CTNNA3: variants seen among roughly 807,000 people sequenced by gnomAD.
CTNNA3 encodes catenin alpha 3, also known as catenin alpha-3.
In CTNNA3, 76 loss-of-function variants were observed where a neutral mutation model predicts 95.7. That is an observed-to-expected ratio of 0.79 (90% CI 0.66 to 0.96). The LOEUF is 0.96. Among genes scored for constraint, CTNNA3 ranks in the 40% least tolerant of loss-of-function variants. The pLI, the probability that CTNNA3 is intolerant of heterozygous loss-of-function variation, is 0.00. For missense variants in CTNNA3, 1,191 were observed against 1,089.8 expected (o/e 1.09, Z -1.31); for synonymous variants, 431 against 374.4 (o/e 1.15, Z -1.74).
At chr10:66,363,048 T>A (rs2092687796) in intron 12 of CTNNA3, among the ~76,000 whole-genome samples, 1 of 152,234 alleles carries the variant, frequency 6.6e-6, no homozygotes. Context: ...AATACACGGT[T>A]TCTTCTACCA....
chr10:67,179,369 A>T (rs576409134), intron 7 of CTNNA3, among the ~76,000 whole-genome samples: 1 of 151,974 alleles, frequency 6.6e-6, no homozygotes, highest in Admixed American at 6.6e-5. Flanking sequence ...AGTTACAGAC[A>T]TTCCATAGAT....
chr10:66,109,414 A>T (rs1166049672), intron 13 of CTNNA3, among the ~76,000 whole-genome samples: 1 of 152,188 alleles, frequency 6.6e-6, no homozygotes, highest in African/African-American at 2.4e-5. Context: ...CACCAACCCT[A>T]GCTTCTATCT....
intron 5 of CTNNA3, among the ~76,000 whole-genome samples, chr10:67,412,998 T>C (rs1049185630): frequency 6.6e-6 from 1 of 152,002 alleles, no homozygotes; most frequent in East Asian, 1.9e-4. Context: ...ATATCAATAA[T>C]AACCTTGAAT....
chr10:67,140,711 T>C (rs970878332), intron 7 of CTNNA3, among the ~76,000 whole-genome samples: 1 of 152,218 alleles, frequency 6.6e-6, no homozygotes, highest in Non-Finnish European at 1.5e-5. Context: ...AAAGTCCTTT[T>C]TGGTACTATA....
At chr10:66,562,023 G>C (rs1301969850) in intron 10 of CTNNA3, among the ~76,000 whole-genome samples, 2 of 152,020 alleles carry the variant, frequency 1.3e-5, no homozygotes, top group Non-Finnish European at 2.9e-5. Flanking sequence ...TAACAGCTAA[G>C]TATGATTAGA....
chr10:66,444,838 G>T (rs576534574), intron 11 of CTNNA3, among the ~76,000 whole-genome samples: 1 of 152,136 alleles, frequency 6.6e-6, no homozygotes, highest in Non-Finnish European at 1.5e-5. Context: ...AACTTTAAAT[G>T]TAAATGGGCT....
intron 9 of CTNNA3, among the ~76,000 whole-genome samples, chr10:66,709,661 G>C (rs1421644874): frequency 6.6e-6 from 1 of 152,014 alleles, no homozygotes; most frequent in Non-Finnish European, 1.5e-5. Flanking sequence ...TTAAAAGTTG[G>C]TGTTGTTTAT....
chr10:66,762,955 T>C (rs1290649940), intron 9 of CTNNA3, among the ~76,000 whole-genome samples: 2 of 152,214 alleles, frequency 1.3e-5, no homozygotes, highest in Non-Finnish European at 2.9e-5. Flanking sequence ...CAAAGACATG[T>C]TGATAATAGC....
intron 9 of CTNNA3, among the ~76,000 whole-genome samples, chr10:66,728,548 G>A (rs945960085): frequency 6.6e-6 from 1 of 151,942 alleles, no homozygotes; most frequent in Admixed American, 6.6e-5. Context: ...TTCTTCTAGC[G>A]TTTTTATATT....
intron 11 of CTNNA3, among the ~76,000 whole-genome samples, chr10:66,409,756 T>C (rs928985110): frequency 1.3e-5 from 2 of 152,192 alleles, no homozygotes; most frequent in Admixed American, 6.5e-5. Flanking sequence ...ATAGTTTTAA[T>C]AGTTAGGTCA....
At chr10:67,338,749 T>A (rs2132607126) in intron 5 of CTNNA3, among the ~76,000 whole-genome samples, 1 of 152,254 alleles carries the variant, frequency 6.6e-6, no homozygotes, top group Non-Finnish European at 1.5e-5. Context: ...AACAACATCA[T>A]CTCACTTAAG....
chr10:65,973,726 G>T (rs893046195), intron 16 of CTNNA3, among the ~76,000 whole-genome samples: 1 of 152,072 alleles, frequency 6.6e-6, no homozygotes, highest in Non-Finnish European at 1.5e-5. Flanking sequence ...GGTGCACGAC[G>T]TGGGGAGAAC....
intron 11 of CTNNA3, among the ~76,000 whole-genome samples, chr10:66,499,394 C>T (rs1486218337): frequency 1.3e-5 from 2 of 151,960 alleles, no homozygotes; most frequent in African/African-American, 4.8e-5. Context: ...AAATATTTTT[C>T]CTGATTTAGA....
intron 11 of CTNNA3, among the ~76,000 whole-genome samples, chr10:66,428,145 A>G (rs572163932): frequency 1.7e-3 from 266 of 152,298 alleles, no homozygotes; most frequent in African/African-American, 6.2e-3. Flanking sequence ...AAAGATCAAA[A>G]GAGACAAAGA....
At chr10:66,229,327 T>C (rs2089471647) in intron 13 of CTNNA3, among the ~76,000 whole-genome samples, 2 of 152,180 alleles carry the variant, frequency 1.3e-5, no homozygotes, top group African/African-American at 4.8e-5. Flanking sequence ...TTTTATACTT[T>C]TGTGTTTTTT....
At chr10:67,255,234 G>A (rs970942387) in intron 5 of CTNNA3, among the ~76,000 whole-genome samples, 3 of 152,136 alleles carry the variant, frequency 2.0e-5, no homozygotes, top group Non-Finnish European at 4.4e-5. Flanking sequence ...GGCAGAGGTT[G>A]CAGTGAGCTG....
At chr10:67,114,524 T>C (rs1336681399) in intron 7 of CTNNA3, among the ~76,000 whole-genome samples, 3 of 152,122 alleles carry the variant, frequency 2.0e-5, no homozygotes, top group Non-Finnish European at 4.4e-5. Flanking sequence ...TTTTATTGTT[T>C]TTCCTGCTGC....
At chr10:66,201,473 T>C (rs917947060) in intron 13 of CTNNA3, among the ~76,000 whole-genome samples, 6 of 152,216 alleles carry the variant, frequency 3.9e-5, no homozygotes, top group African/African-American at 1.2e-4. Flanking sequence ...TGTATTGCTT[T>C]TCTGATGAAT....
At chr10:66,420,293 T>C (rs1480045262) in intron 11 of CTNNA3, among the ~76,000 whole-genome samples, 1 of 152,180 alleles carries the variant, frequency 6.6e-6, no homozygotes, top group Non-Finnish European at 1.5e-5. Context: ...TCAACATCAC[T>C]AATCCTCAGG....
Sources: allele counts gnomAD v4.1 joint callset (sites outside exome capture counted in the v4.1 genomes callset), GRCh38; gene constraint gnomAD v4.1.1; transcripts MANE v1.5; gene names NCBI Gene and HGNC (gene_info 2026-07-23, HGNC 2026-07-21).